COL19A1: variants seen among roughly 807,000 people sequenced by gnomAD.
COL19A1 encodes collagen type XIX alpha 1 chain, also known as collagen alpha-1(XIX) chain.
Under a neutral mutation model 190.2 loss-of-function variants are expected in COL19A1, and 159 were observed. That is an observed-to-expected ratio of 0.84 (90% CI 0.73 to 0.95). COL19A1 has a LOEUF of 0.95. COL19A1 is among the 40% of genes least tolerant of loss of function. COL19A1 has a pLI of 0.00. For missense variants in COL19A1, 1,418 were observed against 1,431.9 expected (o/e 0.99, Z 0.16); for synonymous variants, 509 against 458.9 (o/e 1.11, Z -1.39).
At chr6:69,972,589 G>A (rs1161013477) in intron 11 of COL19A1, among the ~76,000 whole-genome samples, 1 of 151,842 alleles carries the variant, frequency 6.6e-6, no homozygotes, top group Non-Finnish European at 1.5e-5. Flanking sequence ...ATTTTTTTCA[G>A]ACTCCTACTA....
At chr6:69,945,736 G>T (rs1274905288) in intron 9 of COL19A1, among the ~76,000 whole-genome samples, 1 of 151,868 alleles carries the variant, frequency 6.6e-6, no homozygotes, top group Non-Finnish European at 1.5e-5. Flanking sequence ...TCACTTGAAG[G>T]TGAAATTTAC....
chr6:69,968,818 C>T (rs550162728), intron 11 of COL19A1, among the ~76,000 whole-genome samples: 23 of 152,080 alleles, frequency 1.5e-4, no homozygotes, highest in South Asian at 1.0e-3. Flanking sequence ...TATACGTAAA[C>T]GATTATTCAG....
chr6:70,087,296 G>A (rs1039485585), intron 15 of COL19A1, among the ~76,000 whole-genome samples: 1 of 152,138 alleles, frequency 6.6e-6, no homozygotes, highest in African/African-American at 2.4e-5. Flanking sequence ...GAAAGCAGAG[G>A]AAGGGGATAT....
chr6:70,109,518 A>ACCAGTTACAT (rs1490444526), intron 16 of COL19A1, among the ~76,000 whole-genome samples: 2 of 150,014 alleles, frequency 1.3e-5, no homozygotes, highest in Non-Finnish European at 3.0e-5. Flanking sequence ...CCATGAAATA[A>ACCAGTTACAT]CCAGTTACAT....
In COL19A1 at chr6:70,187,747, A is replaced by G. The variant is rs149475008; in HGVS notation, c.2857-328A>G. On this transcript the variant is annotated intron_variant, in intron 46 of 50. Transcript: ENST00000620364. ...ACCCAGACCTCAAGTGACAGCTGGT[A>G]TTGACTCAAAACTGCCATCATCCTA... Among the ~76,000 whole-genome samples the G allele has an allele frequency of 3.8e-3, 581 of 152,176 alleles. 1 individual carries two copies. The highest frequency in any genetic ancestry group is 0.011 in the African/African-American group (455 of 41,504).
chr6:70,144,079 C>A (rs974981083), intron 23 of COL19A1, 131 bp from the exon 24 acceptor site: 6 of 734,068 alleles, frequency 8.2e-6, no homozygotes, highest in African/African-American at 7.4e-5. Flanking sequence ...AGGCCAAAAT[C>A]AATCCAACTC....
At chr6:69,884,323 G>A (rs1371423551) in intron 2 of COL19A1, among the ~76,000 whole-genome samples, 1 of 147,714 alleles carries the variant, frequency 6.8e-6, no homozygotes, top group Non-Finnish European at 1.5e-5. Context: ...CTGGGCGACA[G>A]AGCAAGACTT....
At chr6:70,155,590 A>G (rs1180663573) in intron 31 of COL19A1, among the ~76,000 whole-genome samples, 1 of 152,194 alleles carries the variant, frequency 6.6e-6, no homozygotes, top group Admixed American at 6.5e-5. Flanking sequence ...ATGTCAGTCA[A>G]GTAATTATTT....
intron 4 of COL19A1, among the ~76,000 whole-genome samples, chr6:69,923,639 AG>A (rs1270628270): frequency 1.3e-5 from 2 of 152,202 alleles, no homozygotes; most frequent in Admixed American, 6.6e-5. Flanking sequence ...CTGGGGAAGA[AG>A]ACATCCATAG....
chr6:70,113,854 T>C (rs1489665955), intron 16 of COL19A1, among the ~76,000 whole-genome samples: 1 of 144,368 alleles, frequency 6.9e-6, no homozygotes, highest in Non-Finnish European at 1.5e-5. Flanking sequence ...TTTTTTTTTT[T>C]TTTTTTTTTT....
In COL19A1 at chr6:70,068,349, A is replaced by G; in HGVS notation, c.1171-74A>G. The G allele has an allele frequency of 3.0e-6, 3 of 983,716 alleles. No homozygotes were observed. The Admixed American group carries it at 5.1e-5, about 17-fold the overall frequency. The allele number at this position is 983,716 out of a possible 1,614,324, so 60.9% of individuals were successfully genotyped here. On this transcript the variant is annotated intron_variant, in intron 14 of 50. Coordinates refer to ENST00000620364, the MANE Select transcript of COL19A1 (RefSeq NM_001858.6). ...TGTTTTAATCAACAAAATAATTATT[A>G]ATTTTCACAACATTCTTTGTGAGGC...
intron 14 of COL19A1, among the ~76,000 whole-genome samples, chr6:70,066,165 C>G (rs1306446378): frequency 2.0e-5 from 3 of 152,144 alleles, no homozygotes. Context: ...TTTATTGCAG[C>G]ACTGCTCACA....
At chr6:70,029,327 G>A (rs1338438398) in intron 12 of COL19A1, among the ~76,000 whole-genome samples, 4 of 151,986 alleles carry the variant, frequency 2.6e-5, no homozygotes, top group Non-Finnish European at 5.9e-5. Context: ...TAGTCTACCC[G>A]CTTTTATAAT....
chr6:69,947,837 C>A (rs1773910258), intron 9 of COL19A1, among the ~76,000 whole-genome samples: 1 of 151,770 alleles, frequency 6.6e-6, no homozygotes, highest in South Asian at 2.1e-4. Context: ...TATGCAAATT[C>A]TTTACTCCTA....
chr6:70,028,644 AC>A (rs1263141533), intron 12 of COL19A1, among the ~76,000 whole-genome samples: 1 of 152,178 alleles, frequency 6.6e-6, no homozygotes, highest in African/African-American at 2.4e-5. Context: ...TGGAGGAAAA[AC>A]AAGAGAAGGT....
At chr6:70,081,061 TC>T (rs369446443) in intron 15 of COL19A1, among the ~76,000 whole-genome samples, 36 of 152,280 alleles carry the variant, frequency 2.4e-4, no homozygotes, top group African/African-American at 7.5e-4. Flanking sequence ...GGTGCACTAT[TC>T]CCTTTCTTTT....
intron 15 of COL19A1, among the ~76,000 whole-genome samples, chr6:70,077,081 T>C (rs1308498008): frequency 1.3e-5 from 2 of 152,200 alleles, no homozygotes; most frequent in Non-Finnish European, 1.5e-5. Flanking sequence ...TGAAACATTT[T>C]TATGGCCTAA....
chr6:70,095,218 G>A (rs1783174340), intron 15 of COL19A1, among the ~76,000 whole-genome samples: 1 of 152,030 alleles, frequency 6.6e-6, no homozygotes, highest in South Asian at 2.1e-4. Context: ...CATTTTCATT[G>A]CTATCAAATA....
At chr6:69,925,178 G>A (rs1772278625) in intron 4 of COL19A1, among the ~76,000 whole-genome samples, 2 of 152,074 alleles carry the variant, frequency 1.3e-5, no homozygotes, top group South Asian at 4.1e-4. Flanking sequence ...TGTCCTGAAT[G>A]GTATTGCCTA....
Sources: gnomAD v4.1 joint callset for allele counts (sites outside exome capture counted in the v4.1 genomes callset) on GRCh38, gnomAD v4.1.1 for gene constraint, MANE v1.5 for transcripts, NCBI Gene and HGNC (gene_info 2026-07-23, HGNC 2026-07-21) for gene names.